NCKAP5: variants seen among roughly 807,000 people sequenced by gnomAD.
NCKAP5 encodes the protein NCK associated protein 5.
A neutral mutation model predicts 167.0 loss-of-function variants in NCKAP5; 92 were observed. The observed-to-expected ratio is 0.55, with a 90% CI of 0.47 to 0.66. NCKAP5 has a LOEUF of 0.66. Among genes scored for constraint, NCKAP5 ranks in the 30% least tolerant of loss-of-function variants. The pLI is 0.00. For synonymous variants in NCKAP5, 891 were observed against 877.4 expected (o/e 1.02, Z -0.27); for missense variants, 2,378 against 2,315.0 (o/e 1.03, Z -0.56).
At chr2:133,521,181 CA>C (rs1194187767) in intron 2 of NCKAP5, among the ~76,000 whole-genome samples, 5 of 152,176 alleles carry the variant, frequency 3.3e-5, no homozygotes, top group African/African-American at 9.7e-5. Context: ...ACTGCAGATC[CA>C]GGGGGGAAAT....
chr2:133,600,757 G>A, the NCKAP5 span, among the ~76,000 whole-genome samples: 77 of 152,308 alleles, frequency 5.1e-4, 1 homozygote, highest in Admixed American at 2.4e-3. Context: ...AGGCCCTGAT[G>A]TGCGAAGCTC....
At chr2:133,023,773 A>G (rs1035649637) in intron 6 of NCKAP5, among the ~76,000 whole-genome samples, 1 of 152,218 alleles carries the variant, frequency 6.6e-6, no homozygotes, top group Non-Finnish European at 1.5e-5. Flanking sequence ...TGCAGAGGAC[A>G]TGATTTCATT....
intron 6 of NCKAP5, among the ~76,000 whole-genome samples, chr2:133,103,424 C>T (rs1331299667): frequency 2.0e-5 from 3 of 152,114 alleles, no homozygotes; most frequent in Admixed American, 1.3e-4. Flanking sequence ...CCAAACTCTC[C>T]AACCCCTGAG....
At chr2:133,133,678 C>T (rs760033764) in intron 5 of NCKAP5, among the ~76,000 whole-genome samples, 3 of 152,246 alleles carry the variant, frequency 2.0e-5, no homozygotes, top group Non-Finnish European at 2.9e-5. Context: ...TCTCTAACTC[C>T]GAAATGAGCA....
At chr2:133,559,462 G>A (rs1290346428) in intron 1 of NCKAP5, among the ~76,000 whole-genome samples, 2 of 152,186 alleles carry the variant, frequency 1.3e-5, no homozygotes, top group East Asian at 3.9e-4. Context: ...GAGACTACAG[G>A]TGCACATCAC....
intron 8 of NCKAP5, among the ~76,000 whole-genome samples, chr2:132,909,391 C>T (rs1694262683): frequency 6.6e-6 from 1 of 152,082 alleles, no homozygotes. Context: ...TATGCTCAGG[C>T]TATATCCAAT....
In NCKAP5 at chr2:133,075,901, A is replaced by G. The variant is rs1362996687; in HGVS notation, c.341+54077T>C. On this transcript the variant is annotated intron_variant, in intron 6 of 19. Coordinates refer to ENST00000409261, the MANE Select transcript of NCKAP5 (RefSeq NM_207363.3). ...TAAAATAAATGGTCAAACTACAATA[A>G]GGAAAGAGATTGCTGGATTAGAGAG... is the stretch of plus-strand genomic sequence containing the variant. 2.6e-5 allele frequency among the ~76,000 whole-genome samples: 4 copies of G among 152,304 alleles called. No homozygotes were observed. The East Asian group carries it at 7.7e-4, about 29-fold the overall frequency.
At chr2:133,478,590 C>T (rs903296796) in intron 3 of NCKAP5, among the ~76,000 whole-genome samples, 4 of 152,120 alleles carry the variant, frequency 2.6e-5, no homozygotes, top group African/African-American at 9.7e-5. Context: ...TTGTAAACAG[C>T]CAAGGCTCAT....
At chr2:133,130,288 A>C (rs943148771) in intron 5 of NCKAP5, among the ~76,000 whole-genome samples, 177 bp from the exon 6 acceptor site, 1 of 152,212 alleles carries the variant, frequency 6.6e-6, no homozygotes, top group African/African-American at 2.4e-5. Context: ...CAAGGATCAG[A>C]GACACCTAAG....
intron 8 of NCKAP5, among the ~76,000 whole-genome samples, chr2:132,948,285 G>C (rs559282021): frequency 3.0e-4 from 45 of 152,236 alleles, no homozygotes; most frequent in African/African-American, 1.1e-3. Context: ...GGGAAGCTTG[G>C]CTATATGTGG....
At chr2:133,388,430 T>G (rs1411301259) in intron 3 of NCKAP5, among the ~76,000 whole-genome samples, 1 of 152,222 alleles carries the variant, frequency 6.6e-6, no homozygotes, top group Admixed American at 6.5e-5. Context: ...CCCGGCCGTG[T>G]GAGGTGTCAG....
intron 11 of NCKAP5, among the ~76,000 whole-genome samples, chr2:132,799,634 T>C (rs1684874405): frequency 6.6e-6 from 1 of 152,182 alleles, no homozygotes; most frequent in South Asian, 2.1e-4. Context: ...AGGTAACTTC[T>C]TAGATAATAA....
chr2:132,851,465 C>G (rs974066357), intron 11 of NCKAP5, among the ~76,000 whole-genome samples: 1 of 152,140 alleles, frequency 6.6e-6, no homozygotes. Flanking sequence ...GAGCCCAGTC[C>G]CAGTGTATTT....
chr2:133,255,558 G>T (rs557241084), intron 4 of NCKAP5, among the ~76,000 whole-genome samples: 1 of 152,218 alleles, frequency 6.6e-6, no homozygotes, highest in South Asian at 2.1e-4. Context: ...GACAAACAGA[G>T]GGCTCCTAGT....
chr2:132,978,426 C>G (rs370073938), intron 7 of NCKAP5, among the ~76,000 whole-genome samples: 1 of 152,176 alleles, frequency 6.6e-6, no homozygotes, highest in African/African-American at 2.4e-5. Flanking sequence ...GTCTGCCACT[C>G]GTAGGTGGTA....
intron 3 of NCKAP5, among the ~76,000 whole-genome samples, chr2:133,373,072 T>TGG (rs1246755010): frequency 6.6e-6 from 1 of 152,152 alleles, no homozygotes; most frequent in African/African-American, 2.4e-5. Flanking sequence ...TTTTTTTGGA[T>TGG]GGGGGATGAC....
At chr2:132,746,934 A>G (rs1268630878) in intron 16 of NCKAP5, among the ~76,000 whole-genome samples, 1 of 152,190 alleles carries the variant, frequency 6.6e-6, no homozygotes, top group Non-Finnish European at 1.5e-5. Context: ...CTACACTGAT[A>G]TAAAGCAGAC....
At chr2:133,449,631 T>C (rs918553908) in intron 3 of NCKAP5, among the ~76,000 whole-genome samples, 1 of 152,154 alleles carries the variant, frequency 6.6e-6, no homozygotes, top group African/African-American at 2.4e-5. Context: ...ATATGACTCT[T>C]CAACTTTCAA....
Position 132,949,100 on chromosome 2 carries a change from A to G in NCKAP5, c.579+14620T>C, listed in dbSNP as rs533719460. Among the ~76,000 whole-genome samples, 19 of 132,320 alleles carry G rather than the reference A, an allele frequency of 1.4e-4. 1 individual carries two copies. In the South Asian group the frequency reaches 5.6e-3, roughly 39 times the overall value. The allele number at this position is 132,320 out of a possible 152,430, so 86.8% of individuals were successfully genotyped here. ...ACCCACCCCCCACCCTGCCCCATCC[A>G]GGGATAAGAAGAAGCAAAGAAGCTG... On this transcript the variant is annotated intron_variant, in intron 8 of 19. Transcript: ENST00000409261.
Sources: allele counts gnomAD v4.1 joint callset (sites outside exome capture counted in the v4.1 genomes callset), GRCh38; gene constraint gnomAD v4.1.1; transcripts MANE v1.5; gene names NCBI Gene and HGNC (gene_info 2026-07-23, HGNC 2026-07-21).